Variants in NTN1 observed in about 807,000 individuals in gnomAD.
The protein encoded by NTN1 is netrin-1.
A neutral mutation model predicts 54.2 loss-of-function variants in NTN1; 11 were observed. The observed-to-expected ratio is 0.20, with a 90% CI of 0.13 to 0.34. The LOEUF is 0.34. Ranked by LOEUF, NTN1 falls within the 10% of genes least tolerant of loss-of-function variation. The probability of loss-of-function intolerance (pLI) is 1.00; values close to 1 mark genes in which losing one functional copy is unlikely to be tolerated. For synonymous variants in NTN1, 371 were observed against 382.0 expected, an observed-to-expected ratio of 0.97 and a Z score of 0.33; for missense variants, 740 against 893.1, an observed-to-expected ratio of 0.83 and a Z score of 2.18.
At chr17:9,060,450 T>C (rs1260755210) in intron 2 of NTN1, among the ~76,000 whole-genome samples, 2 of 152,058 alleles carry the variant, frequency 1.3e-5, no homozygotes, top group Non-Finnish European at 2.9e-5. Context: ...TTTTGAGGAG[T>C]TAAAAGTTAT....
At chr17:9,059,196 A>G (rs899658261) in intron 2 of NTN1, among the ~76,000 whole-genome samples, 2 of 152,180 alleles carry the variant, frequency 1.3e-5, no homozygotes, top group Non-Finnish European at 2.9e-5. Flanking sequence ...GTTCCTGCCC[A>G]CAAATAACCC....
chr17:9,190,613 A>G (rs1904425161), intron 5 of NTN1, among the ~76,000 whole-genome samples: 1 of 152,214 alleles, frequency 6.6e-6, no homozygotes, highest in South Asian at 2.1e-4. Context: ...GCACTTTGGG[A>G]GGCCGAGGTA....
In NTN1 at chr17:9,193,934, A is replaced by AAAAAAAAAAC. The variant is rs1904545992; in HGVS notation, c.1411+10974_1411+10975insCAAAAAAAAA. On this transcript the variant is annotated intron_variant, in intron 5 of 6. Transcript: ENST00000173229. ...GAAACTCCGACTAAAAAAAAAAAAA[A>AAAAAAAAAAC]AAAAAAAAAACATTATGCAGGTTGG... Among the ~76,000 whole-genome samples the AAAAAAAAAAC allele has an allele frequency of 6.3e-5, 9 of 141,784 alleles. No homozygotes were observed. The South Asian group carries it at 1.7e-3, about 26-fold the overall frequency. 93.0% of individuals were successfully genotyped at this position (141,784 alleles called of 152,430 possible).
intron 2 of NTN1, among the ~76,000 whole-genome samples, chr17:9,133,348 G>A (rs535100427): frequency 2.6e-5 from 4 of 152,346 alleles, no homozygotes; most frequent in Admixed American, 2.0e-4. Flanking sequence ...TCAGGTGCTC[G>A]CCTAAGGGCT....
chr17:9,160,732 A>G (rs542588302), intron 2 of NTN1, among the ~76,000 whole-genome samples: 2 of 152,206 alleles, frequency 1.3e-5, no homozygotes, highest in Admixed American at 1.3e-4. Flanking sequence ...ACAGGCAGAT[A>G]TCTTGAGCCC....
chr17:9,129,855 G>T (rs1016662634), intron 2 of NTN1, among the ~76,000 whole-genome samples: 1 of 152,174 alleles, frequency 6.6e-6, no homozygotes, highest in Non-Finnish European at 1.5e-5. Flanking sequence ...GTGTGGGAAC[G>T]TGTGCAACTC....
chr17:9,057,549 G>A (rs927379113), intron 2 of NTN1, among the ~76,000 whole-genome samples: 18 of 152,074 alleles, frequency 1.2e-4, no homozygotes, highest in African/African-American at 3.4e-4. Flanking sequence ...TCATCTCCCC[G>A]TTTTCATTGA....
intron 2 of NTN1, among the ~76,000 whole-genome samples, chr17:9,096,366 CTTT>C (rs1555567412): frequency 1.1e-5 from 1 of 91,510 alleles, no homozygotes; most frequent in Non-Finnish European, 2.0e-5. Context: ...TATGGGTAGA[CTTT>C]TTTTTTTTTT....
intron 2 of NTN1, among the ~76,000 whole-genome samples, chr17:9,154,875 G>A (rs1292574751): frequency 3.9e-5 from 6 of 152,072 alleles, no homozygotes; most frequent in East Asian, 3.9e-4. Flanking sequence ...AGGCCCCTGC[G>A]GTTGAACCTC....
chr17:9,203,878 T>C (rs1904884968), intron 5 of NTN1, among the ~76,000 whole-genome samples: 1 of 152,014 alleles, frequency 6.6e-6, no homozygotes, highest in African/African-American at 2.4e-5. Context: ...GGAAGCAGCA[T>C]AATGGGGTTT....
At chr17:9,142,010 C>G (rs918406212) in intron 2 of NTN1, among the ~76,000 whole-genome samples, 2 of 152,172 alleles carry the variant, frequency 1.3e-5, no homozygotes, top group Admixed American at 6.5e-5. Context: ...GCCTGTAATC[C>G]CAGCTACTCA....
chr17:9,144,927 C>T (rs1447228140), intron 2 of NTN1, among the ~76,000 whole-genome samples: 1 of 152,196 alleles, frequency 6.6e-6, no homozygotes, highest in African/African-American at 2.4e-5. Flanking sequence ...GAGAGGCACA[C>T]TTGAGGAGGC....
chr17:9,050,668 C>CAAAA (rs11302328), intron 2 of NTN1, among the ~76,000 whole-genome samples: 12 of 58,660 alleles, frequency 2.0e-4, no homozygotes, highest in African/African-American at 7.6e-4. Flanking sequence ...GACTCCATCT[C>CAAAA]AAAAAAAAAA....
chr17:9,050,668 CAAAAAAAAAAAA>C (rs11302328), intron 2 of NTN1, among the ~76,000 whole-genome samples: 2 of 58,672 alleles, frequency 3.4e-5, no homozygotes, highest in Admixed American at 2.0e-4. Flanking sequence ...GACTCCATCT[CAAAAAAAAAAAA>C]AAAAAAAAAA....
chr17:9,089,772 G>A (rs1425862444), intron 2 of NTN1, among the ~76,000 whole-genome samples: 2 of 152,160 alleles, frequency 1.3e-5, no homozygotes, highest in Non-Finnish European at 2.9e-5. Flanking sequence ...AGCCGCAGCC[G>A]CTTGCCTGTG....
At chr17:9,161,306 A>T (rs759704514) in intron 2 of NTN1, among the ~76,000 whole-genome samples, 23 of 152,348 alleles carry the variant, frequency 1.5e-4, no homozygotes, top group Non-Finnish European at 2.2e-4. Context: ...CCAGAGCCCC[A>T]GAGGGGCAGG....
At chr17:9,147,852 T>C (rs1419909290) in intron 2 of NTN1, among the ~76,000 whole-genome samples, 1 of 152,236 alleles carries the variant, frequency 6.6e-6, no homozygotes, top group Non-Finnish European at 1.5e-5. Flanking sequence ...GAATTGTACC[T>C]AGTGGTTTGA....
intron 2 of NTN1, among the ~76,000 whole-genome samples, chr17:9,116,623 G>A (rs910807699): frequency 2.0e-5 from 3 of 152,172 alleles, no homozygotes; most frequent in African/African-American, 7.2e-5. Flanking sequence ...TTGAAAACCA[G>A]GCCCAGAAAA....
chr17:9,048,709 T>C (rs955882958), intron 2 of NTN1, among the ~76,000 whole-genome samples: 2 of 151,754 alleles, frequency 1.3e-5, no homozygotes, highest in African/African-American at 4.8e-5. Context: ...CAGGCTGGAG[T>C]GCAGTGGCGC....
Sources: gnomAD v4.1 joint callset for allele counts (sites outside exome capture counted in the v4.1 genomes callset) on GRCh38, gnomAD v4.1.1 for gene constraint, MANE v1.5 for transcripts, NCBI Gene and HGNC (gene_info 2026-07-23, HGNC 2026-07-21) for gene names.